Variants in DPY19L1 observed in about 807,000 individuals in gnomAD.
The protein encoded by DPY19L1 is dpy-19 like C-mannosyltransferase 1, also known as protein C-mannosyl-transferase DPY19L1.
In DPY19L1, 35 loss-of-function variants were observed where a neutral mutation model predicts 96.9. The observed-to-expected ratio is 0.36, with a 90% CI of 0.28 to 0.48. The LOEUF (loss-of-function observed/expected upper bound fraction) is 0.48, where lower values mean the gene tolerates loss of function less well. Ranked by LOEUF, DPY19L1 falls within the 20% of genes least tolerant of loss-of-function variation. The pLI is 0.99. For missense variants in DPY19L1, 521 were observed against 777.9 expected, an observed-to-expected ratio of 0.67 and a Z score of 3.93; for synonymous variants, 205 against 252.6, an observed-to-expected ratio of 0.81 and a Z score of 1.79.
intron 10 of DPY19L1, among the ~76,000 whole-genome samples, chr7:34,960,028 A>C (rs1249254132): frequency 6.7e-6 from 1 of 148,842 alleles, no homozygotes; most frequent in African/African-American, 2.5e-5. Context: ...TATTTTTTGT[A>C]TTATGGTTAT....
chr7:34,948,522 A>T (rs571228606), intron 14 of DPY19L1, among the ~76,000 whole-genome samples: 2 of 152,310 alleles, frequency 1.3e-5, no homozygotes, highest in East Asian at 3.9e-4. Context: ...AGTGATGAGG[A>T]ATGGTATGCT....
intron 21 of DPY19L1, among the ~76,000 whole-genome samples, chr7:34,932,166 CATTG>C (rs1783766384): frequency 6.6e-6 from 1 of 152,160 alleles, no homozygotes; most frequent in Non-Finnish European, 1.5e-5. Context: ...AAACGTATGA[CATTG>C]ATTTAAAAAA....
intron 7 of DPY19L1, among the ~76,000 whole-genome samples, chr7:34,982,471 TAA>T (rs1366982122): frequency 6.6e-6 from 1 of 152,242 alleles, no homozygotes; most frequent in Non-Finnish European, 1.5e-5. Flanking sequence ...AGCATTTCTG[TAA>T]GTTTCAATTT....
At chr7:34,952,857 C>T (rs1375578174) in intron 13 of DPY19L1, among the ~76,000 whole-genome samples, 2 of 152,226 alleles carry the variant, frequency 1.3e-5, no homozygotes, top group Non-Finnish European at 1.5e-5. Flanking sequence ...TAGAGATTAA[C>T]CAAAAGGAAG....
intron 7 of DPY19L1, among the ~76,000 whole-genome samples, chr7:34,982,798 A>T (rs1269238560): frequency 6.6e-6 from 1 of 152,198 alleles, no homozygotes; most frequent in Non-Finnish European, 1.5e-5. Context: ...ACATACACAC[A>T]CATGAATCTG....
intron 1 of DPY19L1, among the ~76,000 whole-genome samples, chr7:35,019,398 T>C (rs1785936717): frequency 6.6e-6 from 1 of 152,106 alleles, no homozygotes; most frequent in Non-Finnish European, 1.5e-5. Context: ...GCTATGACTA[T>C]GACTGTTAAC....
intron 11 of DPY19L1, 116 bp downstream of exon 11, chr7:34,957,868 G>GT: frequency 1.6e-6 from 1 of 640,024 alleles, no homozygotes; most frequent in Non-Finnish European, 2.7e-6. Flanking sequence ...AGAATATTCA[G>GT]TAAGACACTT....
At chr7:34,993,212 T>G (rs1353617375) in intron 6 of DPY19L1, among the ~76,000 whole-genome samples, 2 of 152,224 alleles carry the variant, frequency 1.3e-5, no homozygotes, top group Non-Finnish European at 2.9e-5. Flanking sequence ...TCTCTGAAGG[T>G]CTTCCACACC....
chr7:35,023,596 T>C lies in DPY19L1; in HGVS notation c.299-5000A>G, dbSNP rs534727032. Among the ~76,000 whole-genome samples the C allele has an allele frequency of 5.3e-5, 8 of 152,292 alleles. No homozygotes were observed. The East Asian group carries it at 1.4e-3, about 26-fold the overall frequency. On this transcript the variant is annotated intron_variant, in intron 1 of 21. Coordinates refer to ENST00000638088, the MANE Select transcript of DPY19L1 (RefSeq NM_001366673.1). Reference sequence around the variant, plus strand: ...ACCTTCACAAACTTGATTTTCACAATAATCTTGTGAGTATTTATCAGCATT... The same window carrying C: ...ACCTTCACAAACTTGATTTTCACAACAATCTTGTGAGTATTTATCAGCATT...
intron 10 of DPY19L1, 30 bp from the exon 11 acceptor site, chr7:34,958,100 A>C: frequency 3.4e-6 from 5 of 1,476,160 alleles, no homozygotes; most frequent in Non-Finnish European, 2.7e-6. Context: ...AAATATAAGT[A>C]ATGCACATAA....
intron 6 of DPY19L1, among the ~76,000 whole-genome samples, chr7:34,994,646 T>C (rs1353806962): frequency 2.0e-5 from 3 of 151,630 alleles, no homozygotes; most frequent in African/African-American, 2.4e-5. Flanking sequence ...CTACTAAAAA[T>C]ACAAAAAATT....
At chr7:35,026,806 C>T (rs1390180562) in intron 1 of DPY19L1, among the ~76,000 whole-genome samples, 1 of 152,050 alleles carries the variant, frequency 6.6e-6, no homozygotes. Flanking sequence ...TTTTACTTCC[C>T]TCGTAAGAAA....
At chr7:34,954,051 T>C (rs1784323347) in intron 13 of DPY19L1, among the ~76,000 whole-genome samples, 1 of 152,190 alleles carries the variant, frequency 6.6e-6, no homozygotes, top group Non-Finnish European at 1.5e-5. Flanking sequence ...GTTTATTTTT[T>C]CCATGTTGGT....
At chr7:35,009,643 G>A (rs761044409) in intron 6 of DPY19L1, among the ~76,000 whole-genome samples, 1 of 152,050 alleles carries the variant, frequency 6.6e-6, no homozygotes, top group Non-Finnish European at 1.5e-5. Context: ...ATATATACTG[G>A]ATGGAGCTGA....
chr7:35,003,785 G>GA (rs1456431470), intron 6 of DPY19L1, among the ~76,000 whole-genome samples: 1 of 152,254 alleles, frequency 6.6e-6, no homozygotes, highest in African/African-American at 2.4e-5. Context: ...GCCTCACAGG[G>GA]AAAAGAAGCC....
At chr7:35,001,131 T>A (rs1390909821) in intron 6 of DPY19L1, among the ~76,000 whole-genome samples, 1 of 152,176 alleles carries the variant, frequency 6.6e-6, no homozygotes, top group East Asian at 1.9e-4. Context: ...GAGTTTCTGA[T>A]AGTAAAGAGT....
chr7:35,029,599 T>C (rs769988809), intron 1 of DPY19L1, among the ~76,000 whole-genome samples: 1 of 152,306 alleles, frequency 6.6e-6, no homozygotes, highest in South Asian at 2.1e-4. Flanking sequence ...ACTGTGACAG[T>C]TTTTTACTAT....
chr7:35,037,492 CGGGCGGGCGGAGGGTGGA>C (rs1278708490), upstream of DPY19L1: 1 of 308,922 alleles, frequency 3.2e-6, no homozygotes, highest in African/African-American at 2.2e-5. Flanking sequence ...CTCCAGCGGG[CGGGCGGGCGGAGGGTGGA>C]GGGCGGGCTC....
intron 10 of DPY19L1, among the ~76,000 whole-genome samples, chr7:34,962,947 C>T (rs1784530969): frequency 6.6e-6 from 1 of 152,012 alleles, no homozygotes; most frequent in Non-Finnish European, 1.5e-5. Context: ...GTAATCCCAG[C>T]ACTTTGGGAG....
Sources: gnomAD v4.1 joint callset for allele counts (sites outside exome capture counted in the v4.1 genomes callset) on GRCh38, gnomAD v4.1.1 for gene constraint, MANE v1.5 for transcripts, NCBI Gene and HGNC (gene_info 2026-07-23, HGNC 2026-07-21) for gene names.